LRRC69: variants seen among roughly 807,000 people sequenced by gnomAD.
LRRC69 encodes the protein leucine rich repeat containing 69, also known as leucine-rich repeat-containing protein 69.
In LRRC69, 42 loss-of-function variants were observed where a neutral mutation model predicts 37.8. The observed-to-expected ratio is 1.11, with a 90% CI of 0.87 to 1.44. LRRC69 has a LOEUF of 1.44. Among genes scored for constraint, LRRC69 ranks in the 40% most tolerant of loss-of-function variants. LRRC69 has a pLI of 0.00. For synonymous variants in LRRC69, 141 were observed against 143.1 expected (o/e 0.99, Z 0.11); for missense variants, 357 against 401.9 (o/e 0.89, Z 0.96).
intron 6 of LRRC69, among the ~76,000 whole-genome samples, chr8:91,197,821 G>A (rs989710867): frequency 6.6e-6 from 1 of 152,058 alleles, no homozygotes; most frequent in African/African-American, 2.4e-5. Flanking sequence ...GCTCACGGTG[G>A]GAGCTGTAGA....
intron 7 of LRRC69, among the ~76,000 whole-genome samples, chr8:91,213,697 TG>T (rs1189291399): frequency 1.3e-5 from 2 of 152,236 alleles, no homozygotes; most frequent in Non-Finnish European, 2.9e-5. Context: ...CACTGTAGGT[TG>T]TCTGGTTTGG....
chr8:91,215,957 C>T (rs1019608951), intron 7 of LRRC69, among the ~76,000 whole-genome samples: 2 of 151,944 alleles, frequency 1.3e-5, no homozygotes, highest in Admixed American at 6.6e-5. Context: ...TAAGGTGGTA[C>T]GAGAATTTCA....
intron 7 of LRRC69, among the ~76,000 whole-genome samples, chr8:91,204,163 T>G (rs1429574615): frequency 2.6e-5 from 4 of 151,736 alleles, no homozygotes; most frequent in Admixed American, 1.3e-4. Context: ...GATTTTCATG[T>G]GCAGTCAGGG....
chr8:91,200,608 T>C lies in LRRC69; in HGVS notation c.754-5T>C, dbSNP rs1809694875. 1.4e-6 allele frequency: 2 copies of C among 1,430,624 alleles called. No individual in the cohort carries two copies. Among genetic ancestry groups the C allele is most frequent in the Non-Finnish European group, 1.8e-6 (2 of 1,090,246 alleles). The allele number at this position is 1,430,624 out of a possible 1,614,324, so 88.6% of individuals were successfully genotyped here. A position where few individuals can be genotyped will look rare whatever the true frequency, so the allele number is the denominator to read the frequency against. ...TGAGGAACTGTATTTTTTTTTTCAATTTAGGAAATAACATCAAGATTTGTA... is the reference window on the plus strand; with the variant it reads ...TGAGGAACTGTATTTTTTTTTTCAACTTAGGAAATAACATCAAGATTTGTA... On this transcript the variant is annotated splice_region_variant and splice_polypyrimidine_tract_variant and intron_variant, in intron 6 of 7. Transcript: ENST00000448384.
intron 1 of LRRC69, among the ~76,000 whole-genome samples, chr8:91,115,402 TAGTC>T (rs1301827165): frequency 6.6e-6 from 1 of 151,982 alleles, no homozygotes. Context: ...CATACATGCA[TAGTC>T]AGTAGTGACA....
chr8:91,146,272 G>A (rs1808617098), intron 5 of LRRC69, among the ~76,000 whole-genome samples: 1 of 151,658 alleles, frequency 6.6e-6, no homozygotes, highest in African/African-American at 2.4e-5. Context: ...CCTTCAAAAT[G>A]GAGATCCTCA....
chr8:91,164,645 A>T (rs917457833), intron 5 of LRRC69, among the ~76,000 whole-genome samples: 1 of 151,728 alleles, frequency 6.6e-6, no homozygotes, highest in Non-Finnish European at 1.5e-5. Context: ...TTTGTGCTAA[A>T]CACTTTAAAT....
At chr8:91,190,888 C>T (rs1809481961) in intron 6 of LRRC69, among the ~76,000 whole-genome samples, 1 of 152,062 alleles carries the variant, frequency 6.6e-6, no homozygotes, top group East Asian at 1.9e-4. Context: ...GACCCCATCT[C>T]TACAAAATTT....
chr8:91,134,698 T>C (rs750964840), intron 4 of LRRC69, among the ~76,000 whole-genome samples: 4 of 152,046 alleles, frequency 2.6e-5, no homozygotes, highest in Non-Finnish European at 4.4e-5. Context: ...AGACTTCTTA[T>C]AGTTCTATCC....
intron 6 of LRRC69, among the ~76,000 whole-genome samples, chr8:91,191,800 T>A (rs1339903101): frequency 6.6e-6 from 1 of 152,176 alleles, no homozygotes; most frequent in East Asian, 1.9e-4. Context: ...GAAATTGTTC[T>A]AATTTTCAGA....
chr8:91,183,707 A>T (rs75313750), intron 5 of LRRC69, among the ~76,000 whole-genome samples: 1 of 152,216 alleles, frequency 6.6e-6, no homozygotes, highest in Non-Finnish European at 1.5e-5. Context: ...TGAGTTATCA[A>T]GGAAAATTTA....
chr8:91,160,864 G>T (rs1808927268), intron 5 of LRRC69, among the ~76,000 whole-genome samples: 1 of 151,178 alleles, frequency 6.6e-6, no homozygotes, highest in Admixed American at 6.6e-5. Context: ...CCAGATTTCA[G>T]AGGAAAAGCA....
rs1195030897 is a variant in LRRC69, at chr8:91,194,951, G to A, written c.753+5328G>A. Among the ~76,000 whole-genome samples the A allele has an allele frequency of 2.0e-5, 3 of 152,162 alleles. No individual in the cohort carries two copies. In the East Asian group the frequency reaches 5.8e-4, roughly 29 times the overall value. Reference sequence around the variant, plus strand: ...TTGTGATGTTAGGGTGTCAATTTTGGATCTTTCCTGCTTTGTCTTGTGGGC... The same window carrying A: ...TTGTGATGTTAGGGTGTCAATTTTGAATCTTTCCTGCTTTGTCTTGTGGGC... On this transcript the variant is annotated intron_variant, in intron 6 of 7. Transcript: ENST00000448384.
intron 7 of LRRC69, among the ~76,000 whole-genome samples, chr8:91,203,261 T>G (rs949083004): frequency 1.3e-5 from 2 of 152,142 alleles, no homozygotes; most frequent in Non-Finnish European, 2.9e-5. Context: ...ATATGTGACC[T>G]CTAACATCAT....
At chr8:91,165,778 A>G (rs1809017649) in intron 5 of LRRC69, among the ~76,000 whole-genome samples, 1 of 151,846 alleles carries the variant, frequency 6.6e-6, no homozygotes, top group South Asian at 2.1e-4. Context: ...CTGGAATCAG[A>G]CAAACTTGGG....
At chr8:91,174,109 G>A (rs942825786) in intron 5 of LRRC69, among the ~76,000 whole-genome samples, 3 of 58,150 alleles carry the variant, frequency 5.2e-5, no homozygotes, top group Non-Finnish European at 8.9e-5. Flanking sequence ...ACAATTCAAT[G>A]AGATGGATAT....
At position 91,133,093 on chromosome 8, in the gene LRRC69, T is replaced by A; in HGVS notation, c.384-17T>A. 8.1e-7 allele frequency: 1 copy of A among 1,240,240 alleles called. No individual in the cohort carries two copies. The highest frequency in any genetic ancestry group is 1.4e-5 in the South Asian group (1 of 71,596). 76.8% of individuals were successfully genotyped at this position (1,240,240 alleles called of 1,614,324 possible). A position where few individuals can be genotyped will look rare whatever the true frequency, so the allele number is the denominator to read the frequency against. On this transcript the variant is annotated splice_polypyrimidine_tract_variant and intron_variant, in intron 3 of 7. Coordinates refer to ENST00000448384, the Ensembl canonical transcript of LRRC69. ...TGTGAGTTTCATTCATATACTTTGG[T>A]GTTTTTTTTTTTTTAGATTAAAAAG...
chr8:91,144,222 G>T (rs1334516525), intron 5 of LRRC69, among the ~76,000 whole-genome samples: 3 of 151,940 alleles, frequency 2.0e-5, no homozygotes, highest in African/African-American at 7.2e-5. Flanking sequence ...GAGATCACCT[G>T]AATGGTTCTA....
At chr8:91,133,194 T>C (rs975847813) in exon 4 of LRRC69, 1 of 1,545,638 alleles carries the variant, frequency 6.5e-7, no homozygotes, top group Non-Finnish European at 8.7e-7. Flanking sequence ...AGAATCTTGT[T>C]GAACTTCAAC....
Sources: gnomAD v4.1 joint callset for allele counts (sites outside exome capture counted in the v4.1 genomes callset) on GRCh38, gnomAD v4.1.1 for gene constraint, MANE v1.5 for transcripts, NCBI Gene and HGNC (gene_info 2026-07-23, HGNC 2026-07-21) for gene names.